DNAH8: variants seen among roughly 807,000 people sequenced by gnomAD.
The protein encoded by DNAH8 is axonemal beta dynein heavy chain 8.
In DNAH8, 382 loss-of-function variants were observed where a neutral mutation model predicts 562.1. The observed-to-expected ratio is 0.68, with a 90% CI of 0.63 to 0.74. DNAH8 has a LOEUF of 0.74. DNAH8 is among the 30% of genes least tolerant of loss of function. The probability of loss-of-function intolerance (pLI) is 0.00; values close to 1 mark genes in which losing one functional copy is unlikely to be tolerated. For missense variants in DNAH8, 5,203 were observed against 5,620.4 expected (o/e 0.93, Z 2.37); for synonymous variants, 1,881 against 1,919.4 (o/e 0.98, Z 0.52).
At chr6:38,743,241 G>C (rs1211392241) in intron 8 of DNAH8, among the ~76,000 whole-genome samples, 1 of 151,834 alleles carries the variant, frequency 6.6e-6, no homozygotes, top group Non-Finnish European at 1.5e-5. Flanking sequence ...GGGCTCAAGC[G>C]ATTCTTCCAC....
intron 11 of DNAH8, among the ~76,000 whole-genome samples, 192 bp from the exon 12 acceptor site, chr6:38,770,221 A>C (rs377651795): frequency 1.6e-4 from 25 of 152,252 alleles, no homozygotes; most frequent in African/African-American, 6.0e-4. Context: ...ATGTAGGATA[A>C]GAGTTAAAGG....
intron 14 of DNAH8, among the ~76,000 whole-genome samples, chr6:38,779,763 T>C (rs1768402756): frequency 6.6e-6 from 1 of 152,250 alleles, no homozygotes; most frequent in African/African-American, 2.4e-5. Context: ...TCTTGGCAGA[T>C]GTCTGTCTTT....
chr6:38,809,682 A>G (rs1042120709), intron 24 of DNAH8, among the ~76,000 whole-genome samples: 4 of 152,154 alleles, frequency 2.6e-5, no homozygotes, highest in Non-Finnish European at 5.9e-5. Context: ...GGTCCTGCAC[A>G]TTTTTGTTAG....
intron 21 of DNAH8, among the ~76,000 whole-genome samples, chr6:38,794,733 C>T (rs926369382): frequency 2.0e-5 from 3 of 152,186 alleles, no homozygotes; most frequent in African/African-American, 7.2e-5. Context: ...GTGACACATT[C>T]GTTCTTTCAT....
At chr6:38,862,728 A>G (rs908686494) in intron 44 of DNAH8, among the ~76,000 whole-genome samples, 2 of 152,218 alleles carry the variant, frequency 1.3e-5, no homozygotes, top group African/African-American at 2.4e-5. Context: ...CTGAAATAAT[A>G]GTAGAGAGGA....
chr6:38,933,616 T>C (rs1354632457), intron 76 of DNAH8, among the ~76,000 whole-genome samples: 1 of 152,200 alleles, frequency 6.6e-6, no homozygotes, highest in African/African-American at 2.4e-5. Context: ...TGTATTCCTA[T>C]ACTGCCACCC....
At chr6:38,914,065 A>G (rs1781111358) in intron 67 of DNAH8, 113 bp downstream of exon 67, 1 of 738,432 alleles carries the variant, frequency 1.4e-6, no homozygotes, top group Non-Finnish European at 2.3e-6. Context: ...ACAATTCCTG[A>G]TAAGATAGTG....
rs1438390744 is a variant in DNAH8, at chr6:38,875,584, T to C, written c.7621-7T>C. ...TTAAAAATTTATTTTATTTGAAACA[T>C]TTTCAGTCTCTCAATCTTCTGGAAG... On this transcript the variant is annotated splice_polypyrimidine_tract_variant and splice_region_variant and intron_variant, in intron 52 of 92. Coordinates refer to ENST00000327475, the MANE Select transcript of DNAH8 (RefSeq NM_001206927.2). 1.4e-6 allele frequency: 2 copies of C among 1,467,214 alleles called. No homozygotes were observed. Among genetic ancestry groups the C allele is most frequent in the African/African-American group, 1.4e-5 (1 of 70,774 alleles). The allele number at this position is 1,467,214 out of a possible 1,614,324, so 90.9% of individuals were successfully genotyped here. A position where few individuals can be genotyped will look rare whatever the true frequency, so the allele number is the denominator to read the frequency against.
chr6:38,857,579 C>T lies in DNAH8; in HGVS notation c.5795C>T (p.Ala1932Val), dbSNP rs1776299873. 1 of 1,613,722 alleles carries T rather than the reference C, an allele frequency of 6.2e-7. No individual in the cohort carries two copies. Among genetic ancestry groups the T allele is most frequent in the African/African-American group, 1.3e-5 (1 of 74,880 alleles). Residue 1932 changes from alanine (A) to valine (V), a missense_variant, in exon 42 of 93, where the codon GCA (alanine) becomes GTA (valine). Physicochemically the swap from Ala to Val is moderately conservative, Grantham distance 64. Around this residue, in one of 6 missense-constraint regions of DNAH8, gnomAD observed 2,176 missense variants for 2,365.1 expected, o/e 0.92. Coordinates refer to ENST00000327475, the MANE Select transcript of DNAH8 (RefSeq NM_001206927.2). ...GATTCAGAAGAGGCTTTACGTAATGCAAAAGATGACAGGAAAATCATGCAA... is the reference window on the plus strand; with the variant it reads ...GATTCAGAAGAGGCTTTACGTAATGTAAAAGATGACAGGAAAATCATGCAA... Reference protein sequence around the residue: ...THDSEEALRNAKDDRKIMQVT... With the variant: ...THDSEEALRNVKDDRKIMQVT...
intron 62 of DNAH8, among the ~76,000 whole-genome samples, chr6:38,903,752 C>T (rs1211184397): frequency 6.6e-6 from 1 of 151,668 alleles, no homozygotes; most frequent in African/African-American, 2.4e-5. Context: ...GCTGGGATTA[C>T]AGGCGAGCAC....
chr6:38,926,977 A>G (rs1782173031), intron 74 of DNAH8, among the ~76,000 whole-genome samples: 1 of 152,132 alleles, frequency 6.6e-6, no homozygotes, highest in Non-Finnish European at 1.5e-5. Flanking sequence ...ATCTGACTTA[A>G]ATTATTGTTC....
At chr6:38,902,095 G>T (rs1433029471) in intron 62 of DNAH8, among the ~76,000 whole-genome samples, 1 of 152,164 alleles carries the variant, frequency 6.6e-6, no homozygotes, top group Non-Finnish European at 1.5e-5. Context: ...GAGATAGGTG[G>T]TGTTGCACTG....
At position 38,926,096 on chromosome 6, in the gene DNAH8, C is replaced by G; in HGVS notation, c.11004C>G (p.Leu3668=). 1 of 1,613,694 alleles carries G rather than the reference C, an allele frequency of 6.2e-7. No homozygotes were observed. Among genetic ancestry groups the G allele is most frequent in the East Asian group, 2.2e-5 (1 of 44,850 alleles). ...TACAGGGATTACCAGGAGATGATCT[C>G]TCAATTCAGAATGGCATTATTGTGA... ...WGLQGLPGDD[L]SIQNGIIVTK... The change falls in exon 74 of 93, where the codon CTC becomes CTG. Residue 3668 remains leucine (L), a synonymous_variant. Coordinates refer to ENST00000327475, the MANE Select transcript of DNAH8 (RefSeq NM_001206927.2).
chr6:38,960,719 A>G (rs1209330167), intron 82 of DNAH8, among the ~76,000 whole-genome samples: 1 of 152,018 alleles, frequency 6.6e-6, no homozygotes, highest in East Asian at 1.9e-4. Flanking sequence ...TCCCCAAAAA[A>G]CTAAAAATAG....
chr6:38,924,242 G>T, intron 73 of DNAH8, 80 bp downstream of exon 73: 1 of 1,426,002 alleles, frequency 7.0e-7, no homozygotes, highest in Non-Finnish European at 9.6e-7. Flanking sequence ...GCTGGGTGTG[G>T]TGGCTCACAT....
At chr6:38,973,026 T>C (rs948051311) in intron 83 of DNAH8, among the ~76,000 whole-genome samples, 23 of 152,238 alleles carry the variant, frequency 1.5e-4, no homozygotes, top group Non-Finnish European at 2.4e-4. Flanking sequence ...ATAAAGGTAT[T>C]AAAATGTCTA....
intron 11 of DNAH8, among the ~76,000 whole-genome samples, chr6:38,766,776 A>G (rs1767049334): frequency 6.6e-6 from 1 of 152,178 alleles, no homozygotes; most frequent in South Asian, 2.1e-4. Flanking sequence ...ACATTTCACA[A>G]TGTATACATC....
At chr6:38,893,869 AATG>A (rs1237526509) in intron 58 of DNAH8, among the ~76,000 whole-genome samples, 1 of 152,220 alleles carries the variant, frequency 6.6e-6, no homozygotes, top group Admixed American at 6.5e-5. Flanking sequence ...CACTTTCAAA[AATG>A]ATGCTAATGA....
intron 63 of DNAH8, among the ~76,000 whole-genome samples, chr6:38,907,604 GGTGCAAAAATTA>G (rs1780578590): frequency 6.6e-6 from 1 of 152,142 alleles, no homozygotes; most frequent in Non-Finnish European, 1.5e-5. Context: ...GATGCTTAAT[GGTGCAAAAATTA>G]GTTAAGTATT....
Sources: gnomAD v4.1 joint callset for allele counts (sites outside exome capture counted in the v4.1 genomes callset) on GRCh38, gnomAD v4.1.1 for gene constraint, gnomAD v4.1.1 regional missense constraint, MANE v1.5 for transcripts, NCBI Gene and HGNC (gene_info 2026-07-23, HGNC 2026-07-21) for gene names.